The following SLC24A1 variants were observed in gnomAD, a reference collection of about 807,000 sequenced individuals.
The protein encoded by SLC24A1 is solute carrier family 24 member 1.
In SLC24A1, 52 loss-of-function variants were observed where a neutral mutation model predicts 88.1. That is an observed-to-expected ratio of 0.59 (90% CI 0.47 to 0.74). The LOEUF is 0.74. SLC24A1 is among the 30% of genes least tolerant of loss of function. SLC24A1 has a pLI of 0.00. For missense variants in SLC24A1, 1,173 were observed against 1,363.3 expected, an observed-to-expected ratio of 0.86 and a Z score of 2.20; for synonymous variants, 455 against 498.0, an observed-to-expected ratio of 0.91 and a Z score of 1.15.
intron 2 of SLC24A1, among the ~76,000 whole-genome samples, chr15:65,615,287 A>G (rs895665961): frequency 6.6e-6 from 1 of 152,250 alleles, no homozygotes; most frequent in African/African-American, 2.4e-5. Flanking sequence ...GCCCTGACCC[A>G]GGCTCACCAC....
Position 65,624,107 on chromosome 15 carries a change from G to T in SLC24A1, c.27G>T (p.Pro9=). Residue 9 remains proline (P), a synonymous_variant, in exon 2 of 10, where the codon CCG becomes CCT. Coordinates refer to ENST00000261892, the MANE Select transcript of SLC24A1 (RefSeq NM_004727.3). MGKLIRMG[P]QERWLLRTKR... ...TGGGGAAATTGATCAGGATGGGGCC[G>T]CAAGAGAGGTGGTTACTCCGGACAA... The T allele has an allele frequency of 2.5e-6, 4 of 1,606,862 alleles. No individual in the cohort carries two copies. Among genetic ancestry groups the T allele is most frequent in the Non-Finnish European group, 3.4e-6 (4 of 1,176,894 alleles).
chr15:65,625,825 C>T lies in SLC24A1; in HGVS notation c.1745C>T (p.Ala582Val), dbSNP rs1347385855. The change falls in exon 2 of 10, where the codon GCC becomes GTC. Residue 582 changes from alanine (A) to valine (V), a missense_variant. Ala to Val is a moderately conservative substitution (Grantham distance 64). Transcript: ENST00000261892. ...LILFFLDSLI[A>V]WWESLLLLLA... ...CTCTTCTTCCTGGACAGCCTCATTG[C>T]CTGGTGGGAGAGCCTGCTGCTGCTG... 6.2e-7 allele frequency: 1 copy of T among 1,614,018 alleles called. No individual in the cohort carries two copies. Among genetic ancestry groups the T allele is most frequent in the Admixed American group, 1.7e-5 (1 of 60,030 alleles).
At position 65,624,932 on chromosome 15, in the gene SLC24A1, C is replaced by T; in HGVS notation, c.852C>T (p.Pro284=). 1 of 1,612,476 alleles carries T rather than the reference C, an allele frequency of 6.2e-7. No homozygotes were observed. The highest frequency in any genetic ancestry group is 8.5e-7 in the Non-Finnish European group (1 of 1,179,332). The change falls in exon 2 of 10, where the codon CCC becomes CCT. Residue 284 remains proline (P), a synonymous_variant. Transcript: ENST00000261892. ...SVMEKNNLFP[P]RRVESNSSAH... is the part of the protein sequence containing the mutation. ...TGGAAAAAAACAACCTGTTTCCCCCCAGAAGAGTGGAAAGTAACAGCTCAG... is the reference window on the plus strand; with the variant it reads ...TGGAAAAAAACAACCTGTTTCCCCCTAGAAGAGTGGAAAGTAACAGCTCAG...
At chr15:65,634,468 G>A (rs959175919) in intron 2 of SLC24A1, among the ~76,000 whole-genome samples, 2 of 152,194 alleles carry the variant, frequency 1.3e-5, no homozygotes, top group East Asian at 1.9e-4. Flanking sequence ...GAAGGTGGGG[G>A]TAACTGGGCT....
At chr15:65,613,895 C>T (rs1004043994) in intron 2 of SLC24A1, among the ~76,000 whole-genome samples, 5 of 152,044 alleles carry the variant, frequency 3.3e-5, no homozygotes, top group South Asian at 2.1e-4. Flanking sequence ...GCATTCTTCC[C>T]GCTCTTCTCA....
rs369879299 is a variant in SLC24A1, at chr15:65,624,273, C to T, written c.193C>T (p.Arg65Trp). 9 of 1,613,652 alleles carry T rather than the reference C, an allele frequency of 5.6e-6. No homozygotes were observed. Among genetic ancestry groups the T allele is most frequent in the East Asian group, 2.2e-5 (1 of 44,888 alleles). ...TCATCAGCCTATAAAACTGGCCAGT[C>T]GGGACCTCTCCAGTGAAGAGATGAT... is the stretch of plus-strand genomic sequence containing the variant. Reference protein sequence around the residue: ...SSHQPIKLASRDLSSEEMMMM... With the variant: ...SSHQPIKLASWDLSSEEMMMM... The change falls in exon 2 of 10, where the codon CGG (arginine) becomes TGG (tryptophan). Residue 65 changes from arginine to tryptophan, a missense_variant. Coordinates refer to ENST00000261892, the MANE Select transcript of SLC24A1 (RefSeq NM_004727.3).
intron 3 of SLC24A1, among the ~76,000 whole-genome samples, chr15:65,639,374 C>G (rs1281022429): frequency 6.6e-6 from 1 of 152,148 alleles, no homozygotes; most frequent in Non-Finnish European, 1.5e-5. Context: ...GGAAATTATT[C>G]AGTACCTAAA....
downstream of SLC24A1, chr15:65,660,530 A>G (rs2075818828): frequency 7.4e-6 from 3 of 406,264 alleles, no homozygotes; most frequent in East Asian, 7.1e-5. Context: ...AAAATCTATA[A>G]CTAATTCTAG....
chr15:65,617,528 G>C (rs1348436263), upstream of SLC24A1, among the ~76,000 whole-genome samples: 1 of 152,030 alleles, frequency 6.6e-6, no homozygotes, highest in African/African-American at 2.4e-5. Flanking sequence ...GGCTCTGTTT[G>C]TCTGTTAATG....
Position 65,650,228 on chromosome 15 carries a change from T to C in SLC24A1, c.2233-154T>C, listed in dbSNP as rs2075449759. 1.3e-5 allele frequency among the ~76,000 whole-genome samples: 2 copies of C among 152,176 alleles called. No individual in the cohort carries two copies. The highest frequency in any genetic ancestry group is 6.5e-5 in the Admixed American group (1 of 15,282). On this transcript the variant is annotated intron_variant, in intron 6 of 9. Transcript: ENST00000261892. The surrounding 1 kb of genome is among the most constrained non-coding windows in gnomAD (Gnocchi z 4.1). ...CAGCCACTAGGTAGGAGTGTGGTCA[T>C]GGGAATTCTGCTGAATTATCGCACT...
chr15:65,654,547 C>G lies in SLC24A1; in HGVS notation c.*468C>G. On this transcript the variant is annotated 3_prime_UTR_variant, in exon 10 of 10. Transcript: ENST00000261892. ...CGCTGCAATTTTGTCTCCTCCTTTT[C>G]TGTTCAAATTGTGAGGTTCTATCAG... 8.4e-7 allele frequency: 1 copy of G among 1,186,306 alleles called. No homozygotes were observed. The highest frequency in any genetic ancestry group is 1.1e-6 in the Non-Finnish European group (1 of 944,100). The allele number at this position is 1,186,306 out of a possible 1,614,324, so 73.5% of individuals were successfully genotyped here.
chr15:65,660,518 T>G (rs1317874728), downstream of SLC24A1: 1 of 425,042 alleles, frequency 2.4e-6, no homozygotes, highest in Non-Finnish European at 4.2e-6. Context: ...ACACACATAT[T>G]GAAAATCTAT....
chr15:65,623,563 C>T (rs1169731173), intron 1 of SLC24A1, among the ~76,000 whole-genome samples: 1 of 152,216 alleles, frequency 6.6e-6, no homozygotes, highest in Non-Finnish European at 1.5e-5. Flanking sequence ...TACCTCCTTC[C>T]TGCCTTTGAT....
intron 2 of SLC24A1, among the ~76,000 whole-genome samples, chr15:65,631,037 G>T (rs1380373243): frequency 2.0e-5 from 3 of 152,118 alleles, no homozygotes; most frequent in South Asian, 4.1e-4. Flanking sequence ...CTGCTAGTGG[G>T]TGCCAGCAGA....
At chr15:65,612,783 C>G (rs1051033380) in intron 2 of SLC24A1, among the ~76,000 whole-genome samples, 1 of 152,220 alleles carries the variant, frequency 6.6e-6, no homozygotes, top group African/African-American at 2.4e-5. Context: ...GTTGCAGGGT[C>G]TGATTCATTA....
chr15:65,626,492 C>T (rs1033153539), intron 2 of SLC24A1, among the ~76,000 whole-genome samples: 1 of 152,040 alleles, frequency 6.6e-6, no homozygotes, highest in African/African-American at 2.4e-5. Context: ...GCTTGGATGG[C>T]GTCTGAGAAG....
intron 1 of SLC24A1, chr15:65,611,837 T>C (rs1230488622): frequency 6.6e-6 from 1 of 152,234 alleles, no homozygotes. Context: ...TAATCCCAGC[T>C]ACTTGGGAGG....
At chr15:65,644,314 T>C in intron 4 of SLC24A1, 113 bp from the exon 5 acceptor site, 1 of 761,386 alleles carries the variant, frequency 1.3e-6, no homozygotes. Context: ...GGCAGCCTTT[T>C]CCCACACTCT....
At chr15:65,644,922 C>T (rs1308463647) in intron 5 of SLC24A1, among the ~76,000 whole-genome samples, 2 of 152,220 alleles carry the variant, frequency 1.3e-5, no homozygotes, top group African/African-American at 4.8e-5. Context: ...CTGAAATCAG[C>T]AACCCCAGTG....
Sources: allele counts gnomAD v4.1 joint callset (sites outside exome capture counted in the v4.1 genomes callset), GRCh38; gene constraint gnomAD v4.1.1; non-coding constraint Gnocchi (gnomAD v3.1); transcripts MANE v1.5; gene names NCBI Gene and HGNC (gene_info 2026-07-23, HGNC 2026-07-21).